Variants in PTDSS2 observed in about 807,000 individuals in gnomAD.
PTDSS2 encodes PSS-2.
Under a neutral mutation model 64.7 loss-of-function variants are expected in PTDSS2, and 41 were observed. That is an observed-to-expected ratio of 0.63 (90% CI 0.49 to 0.82). PTDSS2 has a LOEUF of 0.82. Among genes scored for constraint, PTDSS2 ranks in the 40% least tolerant of loss-of-function variants. The pLI is 0.00. For missense variants in PTDSS2, 485 were observed against 650.0 expected (o/e 0.75, Z 2.76); for synonymous variants, 297 against 277.8 (o/e 1.07, Z -0.69).
In PTDSS2 at chr11:490,384, T is replaced by C. The variant is rs201052698; in HGVS notation, c.1302-36T>C. The C allele has an allele frequency of 1.1e-3, 1,704 of 1,612,704 alleles. 11 individuals are homozygous for C. In the South Asian group the frequency reaches 0.013, roughly 12 times the overall value. ...CATGGGGCCTGCAGTGGGGCTGGTG[T>C]GGGGGCAGGTGGTGACGCTGCATCC... On this transcript the variant is annotated intron_variant, in intron 11 of 11. Transcript: ENST00000308020.
chr11:454,098 G>A (rs1408935728), intron 1 of PTDSS2, among the ~76,000 whole-genome samples: 5 of 152,060 alleles, frequency 3.3e-5, no homozygotes, highest in Admixed American at 6.5e-5. Flanking sequence ...ATGTGTAGAC[G>A]TCGTGCTGCG....
intron 4 of PTDSS2, 72 bp from the exon 5 acceptor site, chr11:486,867 A>G: frequency 6.6e-7 from 1 of 1,517,900 alleles, no homozygotes; most frequent in South Asian, 1.3e-5. Flanking sequence ...AAATAAATAA[A>G]CAACCATGAT....
intron 5 of PTDSS2, 31 bp downstream of exon 5, chr11:487,104 C>G (rs752241046): frequency 3.1e-6 from 5 of 1,599,190 alleles, no homozygotes; most frequent in Non-Finnish European, 4.3e-6. Flanking sequence ...AGGCGAGCCC[C>G]TCCCCAGGTG....
chr11:490,299 G>C, intron 11 of PTDSS2, 121 bp from the exon 12 acceptor site: 1 of 1,419,804 alleles, frequency 7.0e-7, no homozygotes. Context: ...CCCAGGGCCA[G>C]GGTACCCGGC....
At chr11:489,262 G>A (rs995689830) in intron 8 of PTDSS2, 138 bp from the exon 9 acceptor site, 16 of 688,622 alleles carry the variant, frequency 2.3e-5, no homozygotes, top group Non-Finnish European at 3.5e-5. Flanking sequence ...GGCACAGGGC[G>A]GGGCGGGGTG....
At chr11:484,679 CG>C (rs1463662430) in intron 4 of PTDSS2, among the ~76,000 whole-genome samples, 1 of 146,514 alleles carries the variant, frequency 6.8e-6, no homozygotes, top group African/African-American at 2.5e-5. Flanking sequence ...GTAAACTGCA[CG>C]GGCGTGTGTG....
At chr11:482,222 G>GTTT in intron 4 of PTDSS2, among the ~76,000 whole-genome samples, 2 of 134,292 alleles carry the variant, frequency 1.5e-5, no homozygotes, top group African/African-American at 6.2e-5. Context: ...GCAAGGATGG[G>GTTT]CTTTTTTTTT....
At chr11:452,994 T>C (rs916307080) in intron 1 of PTDSS2, among the ~76,000 whole-genome samples, 2 of 152,104 alleles carry the variant, frequency 1.3e-5, no homozygotes, top group Admixed American at 1.3e-4. Context: ...GCCTCCCAGA[T>C]TGCTGAGATT....
At chr11:459,321 G>C (rs1846755556) in intron 1 of PTDSS2, 1 of 145,792 alleles carries the variant, frequency 6.9e-6, no homozygotes, top group African/African-American at 2.7e-5. Context: ...TGTCGGACCT[G>C]GGTTAGACGT....
intron 2 of PTDSS2, among the ~76,000 whole-genome samples, chr11:473,528 T>C (rs1847577164): frequency 6.6e-6 from 1 of 152,170 alleles, no homozygotes; most frequent in African/African-American, 2.4e-5. Context: ...AGGGACCTTC[T>C]CCTGGCCACT....
intron 1 of PTDSS2, among the ~76,000 whole-genome samples, chr11:457,843 A>G (rs1395598075): frequency 6.6e-6 from 1 of 152,116 alleles, no homozygotes; most frequent in African/African-American, 2.4e-5. Context: ...CATAGGCCTC[A>G]CTTTTCTGTG....
chr11:468,712 G>C (rs1340513635), intron 2 of PTDSS2, among the ~76,000 whole-genome samples: 1 of 152,186 alleles, frequency 6.6e-6, no homozygotes, highest in African/African-American at 2.4e-5. Flanking sequence ...TGGGAGGGGA[G>C]TCTCTGGATA....
At chr11:486,342 G>A (rs897811016) in intron 4 of PTDSS2, among the ~76,000 whole-genome samples, 2 of 152,166 alleles carry the variant, frequency 1.3e-5, no homozygotes, top group African/African-American at 2.4e-5. Context: ...GCCCCATCCC[G>A]CTCCCGTCTG....
chr11:472,067 C>T (rs1212959291), intron 2 of PTDSS2, among the ~76,000 whole-genome samples: 6 of 130,836 alleles, frequency 4.6e-5, no homozygotes, highest in African/African-American at 1.5e-4. Flanking sequence ...TGGGGTAACG[C>T]GGATGGCGGC....
At chr11:469,890 G>A (rs368164533) in intron 2 of PTDSS2, among the ~76,000 whole-genome samples, 3 of 152,102 alleles carry the variant, frequency 2.0e-5, no homozygotes, top group African/African-American at 4.8e-5. Flanking sequence ...ACGGGATTGC[G>A]TCCCAGTGAA....
In PTDSS2 at chr11:490,812, G is replaced by GTGTGTA. The variant is rs1554958770; in HGVS notation, c.*230_*231insTGTGTA. ...TGCGTGTGTGTACGCGTGTGTACGC[G>GTGTGTA]CGTGTGTACACATGCGTGGCCGCCT... On this transcript the variant is annotated 3_prime_UTR_variant, in exon 12 of 12. Transcript: ENST00000308020. The GTGTGTA allele has an allele frequency of 1.1e-4, 59 of 524,752 alleles. 1 individual carries two copies. Among genetic ancestry groups the GTGTGTA allele is most frequent in the Non-Finnish European group, 1.7e-4 (52 of 306,984 alleles). 32.5% of individuals were successfully genotyped at this position (524,752 alleles called of 1,614,324 possible).
At chr11:450,152 C>T (rs1221091593), upstream of PTDSS2, 1 of 290,684 alleles carries the variant, frequency 3.4e-6, no homozygotes, top group Non-Finnish European at 6.4e-6. Flanking sequence ...TTCCTGCGAC[C>T]TCAGCCGCAG....
intron 2 of PTDSS2, among the ~76,000 whole-genome samples, chr11:469,299 G>GAGTCTCTGGGTACTCGGAGGAGGAGGGC (rs1847299469): frequency 2.9e-5 from 3 of 101,852 alleles, no homozygotes; most frequent in African/African-American, 1.3e-4. Context: ...AGGAGGAGGG[G>GAGTCTCTGGGTACTCGGAGGAGGAGGGC]AGTCTCTGGG....
At chr11:467,592 C>G (rs938453590) in intron 2 of PTDSS2, among the ~76,000 whole-genome samples, 2 of 151,734 alleles carry the variant, frequency 1.3e-5, no homozygotes, top group African/African-American at 4.8e-5. Context: ...CCCGTCTCTA[C>G]TAAAAATGCA....
Sources: allele counts gnomAD v4.1 joint callset (sites outside exome capture counted in the v4.1 genomes callset), GRCh38; gene constraint gnomAD v4.1.1; transcripts MANE v1.5; gene names NCBI Gene and HGNC (gene_info 2026-07-23, HGNC 2026-07-21).